Variants in ANK1 observed in about 807,000 individuals in gnomAD.
The protein encoded by ANK1 is ankyrin 1.
Under a neutral mutation model 210.4 loss-of-function variants are expected in ANK1, and 51 were observed. That is an observed-to-expected ratio of 0.24 (90% CI 0.19 to 0.31). The LOEUF is 0.31. ANK1 is among the 10% of genes least tolerant of loss of function. ANK1 has a pLI of 1.00. For synonymous variants in ANK1, 967 were observed against 1,025.9 expected (o/e 0.94, Z 1.10); for missense variants, 2,051 against 2,504.4 (o/e 0.82, Z 3.86).
In ANK1 at chr8:41,693,133, C is replaced by T. The variant is rs139513895; in HGVS notation, c.3601G>A (p.Ala1201Thr). Residue 1201 changes from alanine (A) to threonine (T), a missense_variant, in exon 30 of 43, where the codon GCC becomes ACC. Coordinates refer to ENST00000289734, the MANE Select transcript of ANK1 (RefSeq NM_000037.4). ...TTKLVYANECANFTTNVSARF... is the reference protein window; with the variant it reads ...TTKLVYANECTNFTTNVSARF... ...GCAGAGACATTGGTGGTGAAGTTGG[C>T]GCACTCGTTGGCATATACAAGTTTG... 18 of 1,613,472 alleles carry T rather than the reference C, an allele frequency of 1.1e-5. No individual in the cohort carries two copies. Among genetic ancestry groups the T allele is most frequent in the African/African-American group, 8.0e-5 (6 of 74,918 alleles).
chr8:41,884,077 G>A (rs969155079), intron 1 of ANK1, among the ~76,000 whole-genome samples: 2 of 152,160 alleles, frequency 1.3e-5, no homozygotes, highest in South Asian at 2.1e-4. Flanking sequence ...ACGGCTGAGC[G>A]CAGTGGCTCA....
intron 1 of ANK1, among the ~76,000 whole-genome samples, chr8:41,767,035 C>T (rs1327606945): frequency 2.0e-5 from 3 of 152,142 alleles, no homozygotes; most frequent in Admixed American, 2.0e-4. Flanking sequence ...GGCGGCGGCT[C>T]CACGCTCCCG....
At chr8:41,881,777 T>C (rs1311221895) in intron 1 of ANK1, among the ~76,000 whole-genome samples, 1 of 152,174 alleles carries the variant, frequency 6.6e-6, no homozygotes, top group African/African-American at 2.4e-5. Flanking sequence ...GGACTTCACC[T>C]TCCTGAGCCT....
upstream of ANK1, among the ~76,000 whole-genome samples, chr8:41,802,039 G>C (rs896037931): frequency 6.6e-6 from 1 of 152,068 alleles, no homozygotes; most frequent in Admixed American, 6.5e-5. Flanking sequence ...GCCCAGGCTA[G>C]AGTGCAATGG....
In ANK1 at chr8:41,797,528, G is replaced by C. The variant is rs762385951; in HGVS notation, c.11C>G (p.Ser4Cys). 71 of 1,613,834 alleles carry C rather than the reference G, an allele frequency of 4.4e-5. No individual in the cohort carries two copies. The highest frequency in any genetic ancestry group is 5.8e-5 in the Non-Finnish European group (69 of 1,179,914). The change falls in exon 1 of 43, where the codon TCT (serine) becomes TGT (cysteine). Residue 4 changes from serine (S) to cysteine (C), a missense_variant. Ser to Cys is a moderately radical substitution (Grantham distance 112). This residue lies in a region of ANK1 where 21 missense variants were observed against 18.7 expected (regional missense o/e 1.12). Coordinates refer to ENST00000289734, the MANE Select transcript of ANK1 (RefSeq NM_000037.4). This position sits in a 1 kb window ranked among gnomAD's most constrained non-coding sequence, Gnocchi z 4.0. ...AGTACTCACTTCGCGGAAGCCCACA[G>C]AATAGGGCATGCCGGTCTTTCAGCA... MPY[S>C]VGFREADAAT...
At chr8:41,858,543 G>A (rs1200369277) in intron 1 of ANK1, among the ~76,000 whole-genome samples, 1 of 152,178 alleles carries the variant, frequency 6.6e-6, no homozygotes, top group Non-Finnish European at 1.5e-5. Flanking sequence ...GACCTCGGGT[G>A]CAAACAGTCA....
rs906234057 is a variant in ANK1, at chr8:41,692,515, G to A, written c.3858+133C>T. 8 of 867,432 alleles carry A rather than the reference G, an allele frequency of 9.2e-6. No individual in the cohort carries two copies. The African/African-American group carries it at 1.2e-4, about 13-fold the overall frequency. 53.7% of individuals were successfully genotyped at this position (867,432 alleles called of 1,614,324 possible). ...TTCTCTAAGATGCTTCTCAAGAGGGGTCTCAAAGACAGACAGCTGTGGAGC... is the reference window on the plus strand; with the variant it reads ...TTCTCTAAGATGCTTCTCAAGAGGGATCTCAAAGACAGACAGCTGTGGAGC... On this transcript the variant is annotated intron_variant, in intron 31 of 42. Transcript: ENST00000289734.
At chr8:41,775,234 C>G (rs1273398162) in intron 1 of ANK1, among the ~76,000 whole-genome samples, 1 of 152,210 alleles carries the variant, frequency 6.6e-6, no homozygotes, top group African/African-American at 2.4e-5. Flanking sequence ...ATATAAGCTG[C>G]CATCTGGAGC....
chr8:41,747,048 A>G (rs924088733), intron 2 of ANK1, among the ~76,000 whole-genome samples: 2 of 152,142 alleles, frequency 1.3e-5, no homozygotes. Context: ...TCCAAGAATA[A>G]GACAACGTAA....
At position 41,664,014 on chromosome 8, in the gene ANK1, G is replaced by A. The variant is rs560275208; in HGVS notation, c.5395-272C>T. ...AACACCCCCTGGGAACCTGCAAAAT[G>A]GGGGCAATTATGCAAGTCTGACGGA... On this transcript the variant is annotated intron_variant, in intron 39 of 42. Transcript: ENST00000289734. 5.1e-6 allele frequency: 3 copies of A among 592,772 alleles called. No homozygotes were observed. The Admixed American group carries it at 6.5e-5, about 13-fold the overall frequency. 36.7% of individuals were successfully genotyped at this position (592,772 alleles called of 1,614,324 possible).
Position 41,822,559 on chromosome 8 carries a change from T to C in ANK1, c.127-64422A>G, listed in dbSNP as rs149934306. On this transcript the variant is annotated intron_variant, in intron 1 of 42. Transcript: ENST00000265709. ...GTACCATATAAAACATACAACAAAA[T>C]AGAAATTTTTAAAGGGTGATATTTT... Among the ~76,000 whole-genome samples, 559 of 152,196 alleles carry C rather than the reference T, an allele frequency of 3.7e-3. 4 individuals carry two copies. Among genetic ancestry groups the C allele is most frequent in the African/African-American group, 0.013 (528 of 41,526 alleles).
rs112387897 is a variant in ANK1, at chr8:41,858,497, A to G, written c.126+37858T>C. 2.8e-4 allele frequency among the ~76,000 whole-genome samples: 43 copies of G among 152,342 alleles called. 2 individuals carry two copies. The highest frequency in any genetic ancestry group is 9.9e-4 in the African/African-American group (41 of 41,578). On this transcript the variant is annotated intron_variant, in intron 1 of 42. Coordinates refer to the ANK1 transcript ENST00000265709. Reference sequence around the variant, plus strand: ...GGGCTGTACCCCAAGCTGGGTGTCCACTGGAGAAATGAACAGAAACACAGA... The same window carrying G: ...GGGCTGTACCCCAAGCTGGGTGTCCGCTGGAGAAATGAACAGAAACACAGA...
chr8:41,804,940 A>G (rs1021487288), intron 1 of ANK1, among the ~76,000 whole-genome samples: 1 of 152,200 alleles, frequency 6.6e-6, no homozygotes. Flanking sequence ...ATTCAAGGGT[A>G]AACTCCCACT....
chr8:41,858,422 G>A (rs1193451273), intron 1 of ANK1, among the ~76,000 whole-genome samples: 1 of 152,018 alleles, frequency 6.6e-6, no homozygotes, highest in Non-Finnish European at 1.5e-5. Context: ...ATCTACCCAA[G>A]CACTGCTGAG....
intron 1 of ANK1, among the ~76,000 whole-genome samples, chr8:41,868,066 C>T (rs1814815215): frequency 6.6e-6 from 1 of 152,204 alleles, no homozygotes; most frequent in African/African-American, 2.4e-5. Context: ...ACCATGTTGG[C>T]CAAGCTGGTC....
At chr8:41,823,672 G>A (rs1196189005) in intron 1 of ANK1, among the ~76,000 whole-genome samples, 3 of 151,924 alleles carry the variant, frequency 2.0e-5, no homozygotes, top group East Asian at 2.0e-4. Flanking sequence ...GTTGAGGTGG[G>A]AGGATTGCTT....
chr8:41,883,161 C>T (rs1225496835), intron 1 of ANK1, among the ~76,000 whole-genome samples: 2 of 152,188 alleles, frequency 1.3e-5, no homozygotes, highest in South Asian at 4.1e-4. Context: ...GTGTGTGGCC[C>T]CGGGCACTTC....
chr8:41,764,978 T>C (rs1182241511), intron 1 of ANK1, among the ~76,000 whole-genome samples: 3 of 152,218 alleles, frequency 2.0e-5, no homozygotes, highest in African/African-American at 7.2e-5. Context: ...ATAGCTAATA[T>C]GTAGCATGGC....
At chr8:41,815,344 C>T (rs527377024) in intron 1 of ANK1, among the ~76,000 whole-genome samples, 1 of 152,064 alleles carries the variant, frequency 6.6e-6, no homozygotes, top group Non-Finnish European at 1.5e-5. Flanking sequence ...ATTAAGACTA[C>T]AAAACACCCT....
Sources: gnomAD v4.1 joint callset for allele counts (sites outside exome capture counted in the v4.1 genomes callset) on GRCh38, gnomAD v4.1.1 for gene constraint, gnomAD v4.1.1 regional missense constraint, Gnocchi (gnomAD v3.1) non-coding constraint, MANE v1.5 for transcripts, NCBI Gene and HGNC (gene_info 2026-07-23, HGNC 2026-07-21) for gene names.